Variants in MRPS27 observed in about 807,000 individuals in gnomAD.
MRPS27 encodes the protein mitochondrial ribosomal protein S27.
In MRPS27, 43 loss-of-function variants were observed where a neutral mutation model predicts 48.9. That is an observed-to-expected ratio of 0.88 (90% CI 0.69 to 1.13). The LOEUF is 1.13. MRPS27 is among the 50% of genes most tolerant of loss of function. The probability of loss-of-function intolerance (pLI) is 0.00; values close to 1 mark genes in which losing one functional copy is unlikely to be tolerated. For synonymous variants in MRPS27, 188 were observed against 171.9 expected, an observed-to-expected ratio of 1.09 and a Z score of -0.73; for missense variants, 467 against 476.3, an observed-to-expected ratio of 0.98 and a Z score of 0.18.
chr5:72,284,265 C>A (rs867598973), intron 4 of MRPS27, among the ~76,000 whole-genome samples: 30 of 128,884 alleles, frequency 2.3e-4, no homozygotes, highest in African/African-American at 2.9e-4. Flanking sequence ...AAAAAAAAAA[C>A]ACCACCAAAA....
chr5:72,266,586 G>A (rs906856401), intron 4 of MRPS27, among the ~76,000 whole-genome samples: 6 of 152,220 alleles, frequency 3.9e-5, no homozygotes, highest in East Asian at 3.9e-4. Flanking sequence ...CATGCTGGGC[G>A]TGGTGGCTCA....
Position 72,220,614 on chromosome 5 carries a change from T to C in MRPS27, c.*295A>G, listed in dbSNP as rs1177192307. 2.4e-5 allele frequency: 9 copies of C among 367,918 alleles called. No individual in the cohort carries two copies. Among genetic ancestry groups the C allele is most frequent in the African/African-American group, 1.9e-4 (9 of 48,502 alleles). The allele number at this position is 367,918 out of a possible 1,614,324, so 22.8% of individuals were successfully genotyped here. ...AGTACTGTCACTGGGTCTTAGGAAC[T>C]TTAATGCTCATAACTAATCCCTGTG... On this transcript the variant is annotated 3_prime_UTR_variant, in exon 11 of 11. Transcript: ENST00000261413.
intron 4 of MRPS27, among the ~76,000 whole-genome samples, chr5:72,268,484 C>A (rs908552234): frequency 6.6e-6 from 1 of 152,120 alleles, no homozygotes; most frequent in Non-Finnish European, 1.5e-5. Flanking sequence ...ATGAAACATA[C>A]CAGTATAATT....
intron 5 of MRPS27, among the ~76,000 whole-genome samples, chr5:72,235,637 T>G (rs1748183209): frequency 6.6e-6 from 1 of 152,180 alleles, no homozygotes; most frequent in Admixed American, 6.6e-5. Flanking sequence ...TACTTTCCAC[T>G]CAGTTTTGCT....
In MRPS27 at chr5:72,295,928, T is replaced by C. The variant is rs181522543; in HGVS notation, c.223-339A>G. The stretch of plus-strand genomic sequence containing the variant: ...TATTTTTTCCTTTATCTTTAAACCC[T>C]GATATTATTTTCTTTATGTTCCAAA... On this transcript the variant is annotated intron_variant, in intron 3 of 10. Coordinates refer to ENST00000261413, the MANE Select transcript of MRPS27 (RefSeq NM_015084.3). Among the ~76,000 whole-genome samples, 860 of 152,288 alleles carry C rather than the reference T, an allele frequency of 5.6e-3. 3 individuals are homozygous for C. Among genetic ancestry groups the C allele is most frequent in the Non-Finnish European group, 8.8e-3 (599 of 68,020 alleles).
intron 1 of MRPS27, among the ~76,000 whole-genome samples, chr5:72,319,115 G>A (rs1202330530): frequency 6.6e-6 from 1 of 152,196 alleles, no homozygotes; most frequent in African/African-American, 2.4e-5. Flanking sequence ...AGCGGCAATG[G>A]AAAAATCGAG....
At position 72,232,487 on chromosome 5, in the gene MRPS27, G is replaced by A. The variant is rs767234351; in HGVS notation, c.547C>T (p.Leu183Phe). 1 of 1,612,604 alleles carries A rather than the reference G, an allele frequency of 6.2e-7. No individual in the cohort carries two copies. Among genetic ancestry groups the A allele is most frequent in the Non-Finnish European group, 8.5e-7 (1 of 1,179,082 alleles). The change falls in exon 7 of 11, where the codon CTC becomes TTC. Residue 183 changes from leucine (L) to phenylalanine (F), a missense_variant. Physicochemically the swap from Leu to Phe is conservative, Grantham distance 22. Transcript: ENST00000261413. ...GCCAGGCAATGAAATAAAACATAGA[G>A]GGAGAGAAGTTGGGTGGAAGGCACT... ...FEVPSTQLLS[L>F]YVLFHCLAKK...
rs1176127637 is a variant in MRPS27, at chr5:72,228,222, T to C, written c.694+44A>G. 4.8e-6 allele frequency: 7 copies of C among 1,446,674 alleles called. No homozygotes were observed. The Admixed American group carries it at 5.2e-5, about 11-fold the overall frequency. 89.6% of individuals were successfully genotyped at this position (1,446,674 alleles called of 1,614,324 possible). A position where few individuals can be genotyped will look rare whatever the true frequency, so the allele number is the denominator to read the frequency against. The stretch of plus-strand genomic sequence containing the variant: ...ATTATGAACTGGAAGAATGCAACAA[T>C]TCTAACCATGAAGAACAGTATTTGT... On this transcript the variant is annotated intron_variant, in intron 8 of 10. Transcript: ENST00000261413.
At chr5:72,248,247 A>C (rs1170812337) in intron 4 of MRPS27, among the ~76,000 whole-genome samples, 1 of 152,228 alleles carries the variant, frequency 6.6e-6, no homozygotes, top group African/African-American at 2.4e-5. Flanking sequence ...ACCAAATGCA[A>C]ACTTCATGTC....
chr5:72,238,027 GTA>G lies in MRPS27; in HGVS notation c.381_382del (p.Thr128ProfsTer4). 1.2e-6 allele frequency: 2 copies of G among 1,611,196 alleles called. No homozygotes were observed. The highest frequency in any genetic ancestry group is 1.7e-6 in the Non-Finnish European group (2 of 1,177,606). On this transcript the variant is annotated frameshift_variant, in exon 5 of 11. Transcript: ENST00000261413. LOFTEE classifies it high-confidence loss of function. ...GGAACAACTCACCTTATTTACAAGG[GTA>G]TATAGGGCTTTGTCTTGTGCATCAT...
intron 4 of MRPS27, among the ~76,000 whole-genome samples, chr5:72,241,904 G>C (rs929103785): frequency 5.3e-5 from 8 of 152,172 alleles, no homozygotes; most frequent in African/African-American, 1.9e-4. Context: ...AGGCTGTCAA[G>C]ATAGGCAAAC....
chr5:72,248,585 A>C (rs1748570639), intron 4 of MRPS27, among the ~76,000 whole-genome samples: 1 of 150,880 alleles, frequency 6.6e-6, no homozygotes, highest in African/African-American at 2.4e-5. Flanking sequence ...AGCTTTCCTA[A>C]GTATGAGTCA....
At chr5:72,299,921 G>T (rs2112069780) in intron 2 of MRPS27, among the ~76,000 whole-genome samples, 1 of 152,296 alleles carries the variant, frequency 6.6e-6, no homozygotes, top group African/African-American at 2.4e-5. Flanking sequence ...CAGGTTACTA[G>T]CATCTGTGCC....
At chr5:72,303,366 T>C (rs1189509137) in intron 2 of MRPS27, among the ~76,000 whole-genome samples, 1 of 151,892 alleles carries the variant, frequency 6.6e-6, no homozygotes, top group Non-Finnish European at 1.5e-5. Flanking sequence ...GAAGTGAGAG[T>C]GAACTGAAAG....
Position 72,238,139 on chromosome 5 carries a change from A to C in MRPS27, c.282-11T>G. The C allele has an allele frequency of 6.3e-7, 1 of 1,590,424 alleles. No individual in the cohort carries two copies. Among genetic ancestry groups the C allele is most frequent in the South Asian group, 1.1e-5 (1 of 90,548 alleles). On this transcript the variant is annotated splice_polypyrimidine_tract_variant and intron_variant, in intron 4 of 10. Transcript: ENST00000261413. ...GGGCTGTGTCGAAACCTAAATAAGCACAAGAAGAGAGAAAACTGGTGTTAA... is the reference window on the plus strand; with the variant it reads ...GGGCTGTGTCGAAACCTAAATAAGCCCAAGAAGAGAGAAAACTGGTGTTAA...
rs868603598 is a variant in MRPS27, at chr5:72,225,952, C to T, written c.837+105G>A. ...ACTTGATAAATACCTATTCTATAGA[C>T]ATATAGAAAGTAGGGGTAGTGGAAA... On this transcript the variant is annotated intron_variant, in intron 9 of 10. Transcript: ENST00000261413. The T allele has an allele frequency of 6.9e-6, 9 of 1,297,040 alleles. No homozygotes were observed. In the Middle Eastern group the frequency reaches 1.9e-3, roughly 273 times the overall value. The allele number at this position is 1,297,040 out of a possible 1,614,324, so 80.3% of individuals were successfully genotyped here. A position where few individuals can be genotyped will look rare whatever the true frequency, so the allele number is the denominator to read the frequency against.
chr5:72,314,196 T>C (rs1750512558), intron 1 of MRPS27, 38 bp from the exon 2 acceptor site: 1 of 1,434,230 alleles, frequency 7.0e-7, no homozygotes, highest in Non-Finnish European at 9.8e-7. Flanking sequence ...CACATGGTTT[T>C]ACAAGAGGTT....
In MRPS27 at chr5:72,223,823, C is replaced by T; in HGVS notation, c.865G>A (p.Ala289Thr). 3.7e-6 allele frequency: 6 copies of T among 1,613,908 alleles called. No homozygotes were observed. The South Asian group carries it at 5.5e-5, about 15-fold the overall frequency. The change falls in exon 10 of 11, where the codon GCT becomes ACT. Residue 289 changes from alanine to threonine, a missense_variant. Ala to Thr is a moderately conservative substitution (Grantham distance 58, BLOSUM62 0). Transcript: ENST00000261413. ...ALDVLGAVLK[A>T]LTSADGASEE... ...GAAGCCCCATCAGCTGAAGTCAGAG[C>T]CTTCAGCACTGCACCCAGCACATCG...
rs374023539 is a variant in MRPS27 at position 72,237,740 on chromosome 5, C to T, written c.396+274G>A. Reference sequence around the variant, plus strand: ...GGCAAGAAATCTAAGGCTTAGCAACCGAGAATGAAATGACCACCACTGCAG... The same window carrying T: ...GGCAAGAAATCTAAGGCTTAGCAACTGAGAATGAAATGACCACCACTGCAG... On this transcript the variant is annotated intron_variant, in intron 5 of 10. Coordinates refer to ENST00000261413, the MANE Select transcript of MRPS27 (RefSeq NM_015084.3). Among the ~76,000 whole-genome samples, 13 of 152,036 alleles carry T rather than the reference C, an allele frequency of 8.6e-5. No homozygotes were observed. The East Asian group carries it at 2.5e-3, about 29-fold the overall frequency.
Sources: gnomAD v4.1 joint callset for allele counts (sites outside exome capture counted in the v4.1 genomes callset) on GRCh38, gnomAD v4.1.1 for gene constraint, MANE v1.5 for transcripts, NCBI Gene and HGNC (gene_info 2026-07-23, HGNC 2026-07-21) for gene names.